SAMSN1: variants seen among roughly 807,000 people sequenced by gnomAD.
SAMSN1 encodes SAM domain, SH3 domain and nuclear localization signals 1.
SAMSN1 carries 31 observed loss-of-function variants against 42.0 expected under a neutral mutation model. The observed-to-expected ratio is 0.74, with a 90% CI of 0.55 to 1.00. The LOEUF is 1.00. SAMSN1 is among the 50% of genes least tolerant of loss of function. SAMSN1 has a pLI of 0.00. For synonymous variants in SAMSN1, 178 were observed against 151.9 expected (o/e 1.17, Z -1.26); for missense variants, 464 against 439.4 (o/e 1.06, Z -0.50).
chr21:14,636,821 G>A (rs930116566), intron 2 of SAMSN1, among the ~76,000 whole-genome samples: 1 of 152,062 alleles, frequency 6.6e-6, no homozygotes, highest in Non-Finnish European at 1.5e-5. Context: ...CCAAGATCCT[G>A]CCACTGCACT....
chr21:14,527,595 C>T (rs1978949325), intron 1 of SAMSN1, among the ~76,000 whole-genome samples: 1 of 152,100 alleles, frequency 6.6e-6, no homozygotes, highest in African/African-American at 2.4e-5. Flanking sequence ...CTATCAACTG[C>T]AAAATAGCTT....
At chr21:14,628,467 C>T (rs922432652) in intron 2 of SAMSN1, among the ~76,000 whole-genome samples, 1 of 151,922 alleles carries the variant, frequency 6.6e-6, no homozygotes, top group Non-Finnish European at 1.5e-5. Context: ...AGAAAAAGTT[C>T]ATAGACTAAT....
At chr21:14,612,001 G>T (rs559584146) in intron 4 of SAMSN1, among the ~76,000 whole-genome samples, 1 of 152,100 alleles carries the variant, frequency 6.6e-6, no homozygotes, top group African/African-American at 2.4e-5. Flanking sequence ...TTGAGAGGTC[G>T]AGGCAGGCGG....
At chr21:14,627,357 A>G (rs1297758699) in intron 2 of SAMSN1, among the ~76,000 whole-genome samples, 1 of 152,192 alleles carries the variant, frequency 6.6e-6, no homozygotes, top group Non-Finnish European at 1.5e-5. Flanking sequence ...ATATACCCCA[A>G]TAAAAGTCAT....
At chr21:14,537,039 C>G (rs1211879141) in intron 1 of SAMSN1, among the ~76,000 whole-genome samples, 1 of 152,188 alleles carries the variant, frequency 6.6e-6, no homozygotes, top group African/African-American at 2.4e-5. Flanking sequence ...AACACAAAAG[C>G]CAAAATAAAC....
Position 14,498,584 on chromosome 21 carries a change from G to C in SAMSN1, c.777C>G (p.Thr259=). 1 of 1,572,210 alleles carries C rather than the reference G, an allele frequency of 6.4e-7. No homozygotes were observed. Among genetic ancestry groups the C allele is most frequent in the Non-Finnish European group, 8.6e-7 (1 of 1,167,280 alleles). Reference sequence around the variant, plus strand: ...CATAACCATTGAGCAAAAGTGTTGAGGTGTATTCCTGTAAGACAAAAAATA... The same window carrying C: ...CATAACCATTGAGCAAAAGTGTTGACGTGTATTCCTGTAAGACAAAAAATA... The part of the protein sequence containing the change: ...FLERIHLQEY[T]STLLLNGYET... Residue 259 remains threonine (T), a synonymous_variant, in exon 7 of 8, where the codon ACC becomes ACG. Transcript: ENST00000400566.
intron 2 of SAMSN1, among the ~76,000 whole-genome samples, chr21:14,577,226 A>T (rs1428513937): frequency 2.4e-5 from 1 of 42,128 alleles, no homozygotes; most frequent in Non-Finnish European, 3.7e-5. Flanking sequence ...GGGCTAATTT[A>T]TATATATGTG....
At chr21:14,553,734 TC>T (rs1980671571) in intron 2 of SAMSN1, among the ~76,000 whole-genome samples, 1 of 152,186 alleles carries the variant, frequency 6.6e-6, no homozygotes, top group South Asian at 2.1e-4. Flanking sequence ...CCAATTGTCT[TC>T]TAGCTTTCAG....
intron 2 of SAMSN1, among the ~76,000 whole-genome samples, chr21:14,552,835 A>T (rs2178934): frequency 0.52 from 78,879 of 151,778 alleles, 20,921 homozygotes; most frequent in East Asian, 0.79. Flanking sequence ...TAATTTTGTG[A>T]TTTTGCTTGC....
At chr21:14,509,782 AC>A (rs1987595409) in intron 5 of SAMSN1, among the ~76,000 whole-genome samples, 1 of 152,118 alleles carries the variant, frequency 6.6e-6, no homozygotes. Flanking sequence ...CTACATAATA[AC>A]AACTTACACT....
chr21:14,502,607 G>A (rs376847186), intron 5 of SAMSN1, among the ~76,000 whole-genome samples: 10 of 152,268 alleles, frequency 6.6e-5, no homozygotes, highest in African/African-American at 2.4e-4. Flanking sequence ...GTGGTCCCTT[G>A]GCACGGTATT....
At chr21:14,653,926 T>TTA (rs1323732750) in intron 1 of SAMSN1, among the ~76,000 whole-genome samples, 1 of 151,896 alleles carries the variant, frequency 6.6e-6, no homozygotes, top group Admixed American at 6.6e-5. Flanking sequence ...AGCAAAAATA[T>TTA]TTTACAAGTA....
intron 7 of SAMSN1, among the ~76,000 whole-genome samples, chr21:14,493,352 G>C (rs1986774388): frequency 6.6e-6 from 1 of 152,030 alleles, no homozygotes; most frequent in South Asian, 2.1e-4. Context: ...GTAATCTAGA[G>C]CAAACAAGGT....
chr21:14,577,256 A>G (rs1472640995), intron 2 of SAMSN1, among the ~76,000 whole-genome samples: 3 of 39,552 alleles, frequency 7.6e-5, no homozygotes, highest in African/African-American at 3.7e-4. Flanking sequence ...ATATATATAT[A>G]TATATATATA....
chr21:14,584,976 G>C (rs139366514), upstream of SAMSN1, among the ~76,000 whole-genome samples: 4 of 152,208 alleles, frequency 2.6e-5, no homozygotes, highest in East Asian at 7.7e-4. Context: ...TTGTTGATCT[G>C]TCTCTGCAAA....
At chr21:14,629,262 T>A (rs1242894020) in intron 2 of SAMSN1, among the ~76,000 whole-genome samples, 1 of 152,180 alleles carries the variant, frequency 6.6e-6, no homozygotes, top group Non-Finnish European at 1.5e-5. Flanking sequence ...AACAGCACAC[T>A]GATGTGTTTT....
chr21:14,645,345 G>A (rs547329115), intron 1 of SAMSN1, among the ~76,000 whole-genome samples: 122 of 152,360 alleles, frequency 8.0e-4, no homozygotes, highest in Non-Finnish European at 1.5e-3. Flanking sequence ...TTGGGAGAAA[G>A]TAATAAAAGA....
At chr21:14,512,302 A>G (rs546799875) in intron 4 of SAMSN1, 142 bp downstream of exon 4, 35 of 839,594 alleles carry the variant, frequency 4.2e-5, no homozygotes, top group Non-Finnish European at 4.6e-5. Flanking sequence ...TAGCAACTCT[A>G]TATAGATTTA....
At chr21:14,546,789 AACCTCC>A (rs1433773336), upstream of SAMSN1, among the ~76,000 whole-genome samples, 1 of 151,974 alleles carries the variant, frequency 6.6e-6, no homozygotes, top group African/African-American at 2.4e-5. Context: ...GGCTCACTGC[AACCTCC>A]ACCTCCCGGG....
Sources: gnomAD v4.1 joint callset for allele counts (sites outside exome capture counted in the v4.1 genomes callset) on GRCh38, gnomAD v4.1.1 for gene constraint, MANE v1.5 for transcripts, NCBI Gene and HGNC (gene_info 2026-07-23, HGNC 2026-07-21) for gene names.